Variants in ANKS1B observed in about 807,000 individuals in gnomAD.
The protein encoded by ANKS1B is ankyrin repeat and sterile alpha motif domain-containing protein 1B.
A neutral mutation model predicts 148.3 loss-of-function variants in ANKS1B; 36 were observed. The ratio of observed to expected loss-of-function variants is 0.24; its 90% CI spans 0.19 to 0.32. The LOEUF (loss-of-function observed/expected upper bound fraction) is 0.32, where lower values mean the gene tolerates loss of function less well. ANKS1B is among the 10% of genes least tolerant of loss of function. The pLI, the probability that ANKS1B is intolerant of heterozygous loss-of-function variation, is 1.00. For missense variants in ANKS1B, 1,157 were observed against 1,542.6 expected, an observed-to-expected ratio of 0.75 and a Z score of 4.19; for synonymous variants, 542 against 560.8, an observed-to-expected ratio of 0.97 and a Z score of 0.47.
At chr12:99,765,079 A>G (rs2062519497) in intron 8 of ANKS1B, among the ~76,000 whole-genome samples, 1 of 152,196 alleles carries the variant, frequency 6.6e-6, no homozygotes. Context: ...TCAATCTGGA[A>G]GACAGTAATG....
chr12:98,766,038 G>C (rs2098476653), intron 25 of ANKS1B, among the ~76,000 whole-genome samples: 1 of 152,208 alleles, frequency 6.6e-6, no homozygotes, highest in Non-Finnish European at 1.5e-5. Context: ...ATGCATAAAT[G>C]CTGCAAAGCA....
intron 20 of ANKS1B, among the ~76,000 whole-genome samples, chr12:98,806,902 C>A (rs2099054919): frequency 6.6e-6 from 1 of 152,160 alleles, no homozygotes. Flanking sequence ...TGTATAGACA[C>A]CATGGTCCTC....
At chr12:99,056,565 T>C (rs1357585450) in intron 16 of ANKS1B, among the ~76,000 whole-genome samples, 1 of 152,166 alleles carries the variant, frequency 6.6e-6, no homozygotes, top group African/African-American at 2.4e-5. Context: ...TAAAAGCCTG[T>C]AGTGGCTCCT....
chr12:99,138,931 TTC>T (rs138599651), intron 15 of ANKS1B, among the ~76,000 whole-genome samples: 16 of 151,756 alleles, frequency 1.1e-4, no homozygotes, highest in East Asian at 3.9e-4. Context: ...CTTTCTCCCT[TTC>T]TCTCTTTCTT....
chr12:99,122,554 A>C (rs2063152525), intron 15 of ANKS1B, among the ~76,000 whole-genome samples: 1 of 152,218 alleles, frequency 6.6e-6, no homozygotes, highest in African/African-American at 2.4e-5. Context: ...AGGGTGCCTT[A>C]ACTTACTGTG....
At chr12:99,141,489 A>G (rs1307097256) in intron 15 of ANKS1B, among the ~76,000 whole-genome samples, 1 of 150,388 alleles carries the variant, frequency 6.6e-6, no homozygotes, top group East Asian at 2.0e-4. Flanking sequence ...AGGTAAATGT[A>G]TGTCTTGGTG....
Position 99,823,171 on chromosome 12 carries a change from C to T in ANKS1B, c.215+2138G>A, listed in dbSNP as rs1289963319. The stretch of plus-strand genomic sequence containing the variant: ...TTTGCTTGTTGAATTCTTTAAATTC[C>T]TTATAGATTCTGAATATTTGGCCTT... On this transcript the variant is annotated intron_variant, in intron 2 of 26. Transcript: ENST00000683438. Among the ~76,000 whole-genome samples the T allele has an allele frequency of 7.2e-5, 11 of 151,904 alleles. 1 individual carries two copies. The highest frequency in any genetic ancestry group is 4.6e-4 in the Admixed American group (7 of 15,242).
chr12:99,923,774 C>T (rs1443105664), intron 1 of ANKS1B, among the ~76,000 whole-genome samples: 2 of 151,902 alleles, frequency 1.3e-5, no homozygotes, highest in African/African-American at 2.4e-5. Context: ...TAGGGGGGTA[C>T]CTATTTATTC....
chr12:99,507,911 C>A (rs2096728217), intron 9 of ANKS1B, among the ~76,000 whole-genome samples: 1 of 151,844 alleles, frequency 6.6e-6, no homozygotes. Flanking sequence ...CCCCAACCCA[C>A]CCCATGTTCA....
At chr12:99,581,223 GAATAA>G (rs1376720604) in intron 9 of ANKS1B, among the ~76,000 whole-genome samples, 2 of 152,086 alleles carry the variant, frequency 1.3e-5, no homozygotes, top group Admixed American at 1.3e-4. Flanking sequence ...GAGATCAGTG[GAATAA>G]AATAAGAGTG....
chr12:98,790,337 G>C (rs2098837053), intron 22 of ANKS1B, among the ~76,000 whole-genome samples: 1 of 152,162 alleles, frequency 6.6e-6, no homozygotes, highest in Admixed American at 6.6e-5. Context: ...GGCGTGGTTA[G>C]GTACTCAACC....
chr12:99,102,089 G>T (rs2058077951), intron 15 of ANKS1B, among the ~76,000 whole-genome samples: 1 of 152,166 alleles, frequency 6.6e-6, no homozygotes, highest in Non-Finnish European at 1.5e-5. Flanking sequence ...TGAAGTTAAT[G>T]AGGAAAAGAG....
chr12:98,821,683 C>T (rs1253353976), intron 19 of ANKS1B, among the ~76,000 whole-genome samples: 1 of 152,196 alleles, frequency 6.6e-6, no homozygotes, highest in Non-Finnish European at 1.5e-5. Flanking sequence ...ATCTTGCTCA[C>T]TGTGAACTCC....
At chr12:99,483,690 G>A (rs1339904846) in intron 10 of ANKS1B, among the ~76,000 whole-genome samples, 1 of 151,628 alleles carries the variant, frequency 6.6e-6, no homozygotes, top group Non-Finnish European at 1.5e-5. Context: ...TGTTTTTGGT[G>A]TCTTTATGGT....
rs1390392793 is a variant in ANKS1B at position 99,655,202 on chromosome 12, T to A, written c.1137A>T (p.Ser379=). Reference sequence around the variant, plus strand: ...CTCCTGGTGACAAATTGATTGTAGATGAGGTTCTCTGAAATTAAATTTATA... The same window carrying A: ...CTCCTGGTGACAAATTGATTGTAGAAGAGGTTCTCTGAAATTAAATTTATA... ...GKNGSQSVRT[S]STINLSPGEV... The change falls in exon 9 of 27, where the codon TCA becomes TCT. Residue 379 remains serine, a synonymous_variant. Coordinates refer to ENST00000683438, the MANE Select transcript of ANKS1B (RefSeq NM_001352186.2). 1 of 1,605,952 alleles carries A rather than the reference T, an allele frequency of 6.2e-7. No individual in the cohort carries two copies. The highest frequency in any genetic ancestry group is 8.5e-7 in the Non-Finnish European group (1 of 1,175,446).
chr12:98,975,694 A>C (rs1434778427), intron 17 of ANKS1B, among the ~76,000 whole-genome samples: 1 of 152,012 alleles, frequency 6.6e-6, no homozygotes, highest in Non-Finnish European at 1.5e-5. Flanking sequence ...TGCCTCTCTG[A>C]GGAGCCCTTG....
At chr12:99,749,082 G>C (rs1488325002) in intron 8 of ANKS1B, among the ~76,000 whole-genome samples, 2 of 152,120 alleles carry the variant, frequency 1.3e-5, no homozygotes, top group Non-Finnish European at 2.9e-5. Flanking sequence ...TTTCAAGGCT[G>C]CTGGCTATAG....
At chr12:98,792,649 C>A (rs913592478) in intron 22 of ANKS1B, among the ~76,000 whole-genome samples, 1 of 152,176 alleles carries the variant, frequency 6.6e-6, no homozygotes, top group Non-Finnish European at 1.5e-5. Context: ...GTTCTATTCT[C>A]TACTTGTATG....
chr12:98,783,113 A>G (rs983141454), intron 22 of ANKS1B, among the ~76,000 whole-genome samples: 4 of 152,250 alleles, frequency 2.6e-5, no homozygotes, highest in African/African-American at 7.2e-5. Context: ...CCATGAATCC[A>G]TTCTCCTGGA....
Sources: allele counts gnomAD v4.1 joint callset (sites outside exome capture counted in the v4.1 genomes callset), GRCh38; gene constraint gnomAD v4.1.1; transcripts MANE v1.5; gene names NCBI Gene and HGNC (gene_info 2026-07-23, HGNC 2026-07-21).